CSMD3: variants seen among roughly 807,000 people sequenced by gnomAD.
The protein encoded by CSMD3 is CUB and Sushi multiple domains 3, also known as CUB and sushi domain-containing protein 3.
CSMD3 carries 177 observed loss-of-function variants against 435.2 expected under a neutral mutation model. That is an observed-to-expected ratio of 0.41 (90% CI 0.36 to 0.46). The LOEUF is 0.46. Among genes scored for constraint, CSMD3 ranks in the 20% least tolerant of loss-of-function variants. The probability of loss-of-function intolerance (pLI) is 0.34; values close to 1 mark genes in which losing one functional copy is unlikely to be tolerated. For missense variants in CSMD3, 4,265 were observed against 4,504.6 expected (o/e 0.95, Z 1.52); for synonymous variants, 1,656 against 1,520.5 (o/e 1.09, Z -2.07).
At chr8:112,754,465 A>G (rs1400724038) in intron 13 of CSMD3, among the ~76,000 whole-genome samples, 2 of 152,014 alleles carry the variant, frequency 1.3e-5, no homozygotes, top group South Asian at 2.1e-4. Flanking sequence ...AGTAATTTCA[A>G]GTGTTTTTTA....
intron 32 of CSMD3, among the ~76,000 whole-genome samples, chr8:112,470,739 A>G (rs1306843970): frequency 2.0e-5 from 3 of 152,104 alleles, no homozygotes; most frequent in Non-Finnish European, 4.4e-5. Context: ...AGATTACGTA[A>G]CTTGTCCAAG....
intron 10 of CSMD3, among the ~76,000 whole-genome samples, chr8:112,920,400 G>A (rs2082698959): frequency 6.6e-6 from 1 of 151,734 alleles, no homozygotes. Flanking sequence ...TAATAATATA[G>A]ATATAACATC....
At chr8:113,016,045 T>A (rs2086444387) in intron 6 of CSMD3, among the ~76,000 whole-genome samples, 2 of 151,630 alleles carry the variant, frequency 1.3e-5, no homozygotes, top group Non-Finnish European at 3.0e-5. Context: ...TTGAAGTGAA[T>A]TTGTGGGGGC....
intron 3 of CSMD3, among the ~76,000 whole-genome samples, chr8:113,205,195 C>G (rs1203427467): frequency 5.3e-5 from 8 of 152,084 alleles, no homozygotes; most frequent in African/African-American, 1.7e-4. Flanking sequence ...GTTGGCCAGG[C>G]TGGTCTCTAA....
chr8:112,267,003 T>TTC (rs950613339), intron 59 of CSMD3, among the ~76,000 whole-genome samples: 123 of 151,988 alleles, frequency 8.1e-4, no homozygotes, highest in African/African-American at 2.9e-3. Flanking sequence ...GTTATTTTTT[T>TTC]TCTCTCTCTC....
chr8:112,412,283 A>G (rs6999740), intron 32 of CSMD3, among the ~76,000 whole-genome samples: 3,095 of 152,184 alleles, frequency 0.02, 102 homozygotes, highest in African/African-American at 0.07. Context: ...TCCAATGGGT[A>G]GAACACCCTT....
intron 2 of CSMD3, chr8:113,309,063 C>G (rs1421855420): frequency 6.6e-6 from 1 of 152,292 alleles, no homozygotes; most frequent in African/African-American, 2.4e-5. Context: ...ATCCTCCCAC[C>G]TCAGCCTCCA....
chr8:112,868,540 A>G (rs1318890150), intron 10 of CSMD3, among the ~76,000 whole-genome samples: 1 of 152,204 alleles, frequency 6.6e-6, no homozygotes. Context: ...CTACAATGTC[A>G]CTAGGTGATA....
intron 1 of CSMD3, among the ~76,000 whole-genome samples, chr8:113,358,982 A>G (rs1428134224): frequency 6.6e-6 from 1 of 152,176 alleles, no homozygotes; most frequent in African/African-American, 2.4e-5. Flanking sequence ...ATATATAGTA[A>G]AGTTGATAAT....
intron 59 of CSMD3, among the ~76,000 whole-genome samples, chr8:112,271,369 A>G (rs561122626): frequency 1.3e-5 from 2 of 152,300 alleles, no homozygotes; most frequent in African/African-American, 4.8e-5. Flanking sequence ...AACAGAAATT[A>G]AAAATTTTTT....
At chr8:112,924,604 GATA>G (rs1047173564) in intron 9 of CSMD3, among the ~76,000 whole-genome samples, 25 of 151,146 alleles carry the variant, frequency 1.7e-4, no homozygotes, top group African/African-American at 5.3e-4. Flanking sequence ...ACAGGAAATT[GATA>G]ATAATAATAA....
At chr8:113,344,063 A>G (rs931287441) in intron 1 of CSMD3, among the ~76,000 whole-genome samples, 15 of 152,158 alleles carry the variant, frequency 9.9e-5, no homozygotes, top group African/African-American at 3.6e-4. Context: ...TACATTCTAT[A>G]TTAGTGTTTT....
At chr8:113,299,233 C>A (rs2093745118) in intron 2 of CSMD3, among the ~76,000 whole-genome samples, 1 of 152,060 alleles carries the variant, frequency 6.6e-6, no homozygotes, top group Admixed American at 6.5e-5. Flanking sequence ...TTAGTAATAT[C>A]TTATTTTTAA....
At chr8:113,231,835 A>C (rs971742540) in intron 3 of CSMD3, among the ~76,000 whole-genome samples, 7 of 151,500 alleles carry the variant, frequency 4.6e-5, no homozygotes, top group African/African-American at 1.7e-4. Context: ...TGAAAAGTGA[A>C]TGATCATTTA....
chr8:113,086,841 C>G (rs2089802051), intron 5 of CSMD3, among the ~76,000 whole-genome samples: 1 of 152,030 alleles, frequency 6.6e-6, no homozygotes, highest in Admixed American at 6.6e-5. Flanking sequence ...AATCAGTGTC[C>G]TATTGAGGAC....
intron 5 of CSMD3, among the ~76,000 whole-genome samples, chr8:113,045,682 G>C (rs2131304666): frequency 6.7e-6 from 1 of 149,522 alleles, no homozygotes; most frequent in East Asian, 1.9e-4. Context: ...GTGTGGTTCA[G>C]ACAGCACACA....
At chr8:113,128,845 C>T (rs1280570853) in intron 4 of CSMD3, among the ~76,000 whole-genome samples, 2 of 151,934 alleles carry the variant, frequency 1.3e-5, no homozygotes, top group East Asian at 1.9e-4. Flanking sequence ...TGGTGCTAAG[C>T]GAATACAGTT....
chr8:112,499,254 A>C (rs2130891988), intron 30 of CSMD3, among the ~76,000 whole-genome samples: 1 of 152,260 alleles, frequency 6.6e-6, no homozygotes, highest in African/African-American at 2.4e-5. Context: ...AATCCAAGGT[A>C]TCAAAAAACC....
At chr8:113,190,921 A>G (rs560249847) in intron 3 of CSMD3, among the ~76,000 whole-genome samples, 10 of 151,930 alleles carry the variant, frequency 6.6e-5, no homozygotes, top group African/African-American at 2.4e-4. Flanking sequence ...AAACTCTGCC[A>G]ATTGTTTAAA....
Sources: gnomAD v4.1 joint callset for allele counts (sites outside exome capture counted in the v4.1 genomes callset) on GRCh38, gnomAD v4.1.1 for gene constraint, MANE v1.5 for transcripts, NCBI Gene and HGNC (gene_info 2026-07-23, HGNC 2026-07-21) for gene names.